PARP12: variants seen among roughly 807,000 people sequenced by gnomAD.
PARP12 encodes protein mono-ADP-ribosyltransferase PARP12.
PARP12 carries 59 observed loss-of-function variants against 72.4 expected under a neutral mutation model. The ratio of observed to expected loss-of-function variants is 0.81; its 90% CI spans 0.66 to 1.01. The LOEUF is 1.01. Ranked by LOEUF, PARP12 falls within the 50% of genes least tolerant of loss-of-function variation. The pLI is 0.00. For synonymous variants in PARP12, 403 were observed against 371.4 expected (o/e 1.09, Z -0.98); for missense variants, 851 against 914.0 (o/e 0.93, Z 0.89).
chr7:140,058,146 C>T, intron 1 of PARP12, 112 bp from the exon 2 acceptor site: 1 of 1,233,888 alleles, frequency 8.1e-7, no homozygotes, highest in South Asian at 1.3e-5. Context: ...GAAAGAAGGT[C>T]TCTAAAGAGG....
At chr7:140,038,418 C>T (rs1816311108) in intron 6 of PARP12, 1 of 569,270 alleles carries the variant, frequency 1.8e-6, no homozygotes, top group Non-Finnish European at 2.2e-6. Flanking sequence ...TGAATTCTGG[C>T]TCCCAAACCT....
rs1372921367 is a variant in PARP12 at position 140,035,966 on chromosome 7, G to A, written c.1325-1635C>T. Among the ~76,000 whole-genome samples, 222 of 69,408 alleles carry A rather than the reference G, an allele frequency of 3.2e-3. 3 individuals carry two copies. The highest frequency in any genetic ancestry group is 8.1e-3 in the Middle Eastern group (1 of 124). 45.5% of individuals were successfully genotyped at this position (69,408 alleles called of 152,430 possible). A position where few individuals can be genotyped will look rare whatever the true frequency, so the allele number is the denominator to read the frequency against. On this transcript the variant is annotated intron_variant, in intron 7 of 11. Coordinates refer to ENST00000263549, the MANE Select transcript of PARP12 (RefSeq NM_022750.4). ...GGAGGAGGAGGACGAGGAGGAGGAG[G>A]AGGACGAGGAGGAGGAGGAGGAGGA...
At position 140,054,719 on chromosome 7, in the gene PARP12, G is replaced by A. The variant is rs199760576; in HGVS notation, c.805C>T (p.Gln269Ter). The A allele has an allele frequency of 6.2e-7, 1 of 1,613,968 alleles. No individual in the cohort carries two copies. The highest frequency in any genetic ancestry group is 1.7e-5 in the Admixed American group (1 of 60,002). ...AAACAGATCTGATCACCCTCCTCCTGGCTAAGAGTGTTTGGGGACACAGAA... is the reference window on the plus strand; with the variant it reads ...AAACAGATCTGATCACCCTCCTCCTAGCTAAGAGTGTTTGGGGACACAGAA... ...SGSVSPNTLS[Q>*]EEGDQICLYH... The change falls in exon 4 of 12, where the codon CAG (glutamine) becomes TAG (stop). Residue 269 changes from glutamine (Q) to a stop codon, truncating the protein, a stop_gained. Transcript: ENST00000263549. LOFTEE classifies it high-confidence loss of function.
intron 11 of PARP12, chr7:140,025,684 AATT>A (rs745330611): frequency 3.4e-4 from 118 of 351,084 alleles, no homozygotes; most frequent in South Asian, 1.9e-3. Context: ...GGTTTTTTTT[AATT>A]ATTATTATTC....
At chr7:140,039,524 C>T (rs955054465) in intron 6 of PARP12, among the ~76,000 whole-genome samples, 1 of 152,196 alleles carries the variant, frequency 6.6e-6, no homozygotes, top group Non-Finnish European at 1.5e-5. Flanking sequence ...CTCGGTTTAG[C>T]ACCTGGAGGC....
At chr7:140,057,794 A>C in intron 2 of PARP12, 105 bp downstream of exon 2, 3 of 1,471,476 alleles carry the variant, frequency 2.0e-6, no homozygotes, top group Non-Finnish European at 2.7e-6. Context: ...AAACCAGACC[A>C]GAGATCACCA....
intron 4 of PARP12, among the ~76,000 whole-genome samples, chr7:140,053,704 A>G (rs1404288655): frequency 6.6e-6 from 1 of 152,174 alleles, no homozygotes; most frequent in Non-Finnish European, 1.5e-5. Context: ...ATACTCACAT[A>G]TATGTACTTC....
At chr7:140,054,119 G>A (rs1188353415) in intron 4 of PARP12, among the ~76,000 whole-genome samples, 1 of 152,104 alleles carries the variant, frequency 6.6e-6, no homozygotes, top group Non-Finnish European at 1.5e-5. Context: ...AGAAAACAAA[G>A]GTTTAGTGAA....
rs1554514730 is a variant in PARP12, at chr7:140,046,833, T to TGTGTGTGTGTGTGTCA, written c.986+50_986+51insTGACACACACACACAC. 1,383 of 1,187,824 alleles carry TGTGTGTGTGTGTGTCA rather than the reference T, an allele frequency of 1.2e-3. 33 individuals are homozygous for TGTGTGTGTGTGTGTCA. Among genetic ancestry groups the TGTGTGTGTGTGTGTCA allele is most frequent in the Admixed American group, 3.3e-3 (126 of 37,672 alleles). The allele number at this position is 1,187,824 out of a possible 1,614,324, so 73.6% of individuals were successfully genotyped here. On this transcript the variant is annotated intron_variant, in intron 5 of 11. Transcript: ENST00000263549. The stretch of plus-strand genomic sequence containing the variant: ...GTGTGTGTGTGTGTGTGTGTGTGTG[T>TGTGTGTGTGTGTGTCA]CACACACAGAAGCCCAGGCACAAAG...
intron 8 of PARP12, among the ~76,000 whole-genome samples, chr7:140,031,595 G>A (rs1250899316): frequency 6.6e-6 from 1 of 152,190 alleles, no homozygotes; most frequent in Non-Finnish European, 1.5e-5. Flanking sequence ...GGGTCAGAGA[G>A]AAGAACTGAA....
At chr7:140,047,385 A>G (rs1307284005) in intron 4 of PARP12, among the ~76,000 whole-genome samples, 1 of 152,184 alleles carries the variant, frequency 6.6e-6, no homozygotes, top group Non-Finnish European at 1.5e-5. Flanking sequence ...CTGAGCTAGC[A>G]TGGTCAGCCC....
At chr7:140,048,914 G>A (rs902490392) in intron 4 of PARP12, among the ~76,000 whole-genome samples, 14 of 152,170 alleles carry the variant, frequency 9.2e-5, no homozygotes, top group African/African-American at 2.4e-4. Flanking sequence ...GGGGACTTGA[G>A]TTCTGGAGAA....
rs79290675 is a variant in PARP12 at position 140,041,986 on chromosome 7, C to T, written c.987-147G>A. 4.0e-3 allele frequency: 2,567 copies of T among 639,350 alleles called. 78 individuals carry two copies. The East Asian group carries it at 0.062, about 15-fold the overall frequency. The allele number at this position is 639,350 out of a possible 1,614,324, so 39.6% of individuals were successfully genotyped here. A position where few individuals can be genotyped will look rare whatever the true frequency, so the allele number is the denominator to read the frequency against. ...AAGTTCCCAGAGGTAGAGGAAACTG[C>T]TTTTTCAGATCAGTTTTGAGGTATA... On this transcript the variant is annotated intron_variant, in intron 5 of 11. Coordinates refer to ENST00000263549, the MANE Select transcript of PARP12 (RefSeq NM_022750.4).
At chr7:140,059,140 C>T (rs1374489118) in intron 1 of PARP12, among the ~76,000 whole-genome samples, 2 of 151,680 alleles carry the variant, frequency 1.3e-5, no homozygotes, top group African/African-American at 2.4e-5. Flanking sequence ...AGCATGTCTA[C>T]ATGACAACAA....
intron 2 of PARP12, 196 bp downstream of exon 2, chr7:140,057,703 T>C (rs987811738): frequency 4.5e-6 from 3 of 670,904 alleles, no homozygotes; most frequent in East Asian, 2.8e-5. Context: ...TGTGTGATGT[T>C]TGTGGAACTG....
intron 5 of PARP12, 85 bp downstream of exon 5, chr7:140,046,799 A>AGTGTGT (rs3216987): frequency 0.02 from 17,467 of 867,756 alleles, 817 homozygotes; most frequent in African/African-American, 0.14. Context: ...GGCTGCTCAC[A>AGTGTGT]GTGTGTGTGT....
In PARP12 at chr7:140,056,952, T is replaced by C; in HGVS notation, c.664A>G (p.Arg222Gly). The change falls in exon 3 of 12, where the codon AGG becomes GGG. Residue 222 changes from arginine (R) to glycine (G), a missense_variant. Physicochemically the swap from Arg to Gly is moderately radical, Grantham distance 125 (BLOSUM62 -2). Around this residue, in one of 3 missense-constraint regions of PARP12, gnomAD observed 492 missense variants for 489.3 expected, o/e 1.01. Coordinates refer to ENST00000263549, the MANE Select transcript of PARP12 (RefSeq NM_022750.4). Reference sequence around the variant, plus strand: ...GCATTTCTATAAATGGTAGGCAGCCTGCTCACCAGGTCTGAGCTCATACCC... The same window carrying C: ...GCATTTCTATAAATGGTAGGCAGCCCGCTCACCAGGTCTGAGCTCATACCC... ...KLGMSSDLVS[R>G]LPTIYRNAHD... 2 of 1,614,182 alleles carry C rather than the reference T, an allele frequency of 1.2e-6. No homozygotes were observed. Among genetic ancestry groups the C allele is most frequent in the Non-Finnish European group, 1.7e-6 (2 of 1,180,036 alleles).
chr7:140,039,996 G>A (rs1468655613), intron 6 of PARP12, among the ~76,000 whole-genome samples: 2 of 152,186 alleles, frequency 1.3e-5, no homozygotes, highest in African/African-American at 2.4e-5. Context: ...AACAACCAGA[G>A]CTGTGATGAG....
At chr7:140,039,087 T>G (rs967491158) in intron 6 of PARP12, among the ~76,000 whole-genome samples, 2 of 151,904 alleles carry the variant, frequency 1.3e-5, no homozygotes, top group African/African-American at 2.4e-5. Context: ...GTGTAAGAGG[T>G]ATAATGGTTT....
Sources: gnomAD v4.1 joint callset for allele counts (sites outside exome capture counted in the v4.1 genomes callset) on GRCh38, gnomAD v4.1.1 for gene constraint, gnomAD v4.1.1 regional missense constraint, MANE v1.5 for transcripts, NCBI Gene and HGNC (gene_info 2026-07-23, HGNC 2026-07-21) for gene names.